The following PPP2R3B variants were observed in gnomAD, a reference collection of about 807,000 sequenced individuals.
The protein encoded by PPP2R3B is serine/threonine-protein phosphatase 2A regulatory subunit B'' subunit beta.
In PPP2R3B, 68 loss-of-function variants were observed where a neutral mutation model predicts 72.9. The observed-to-expected ratio is 0.93, with a 90% CI of 0.77 to 1.14. PPP2R3B has a LOEUF of 1.14. PPP2R3B is among the 50% of genes most tolerant of loss of function. The probability of loss-of-function intolerance (pLI) is 0.00; values close to 1 mark genes in which losing one functional copy is unlikely to be tolerated. For missense variants in PPP2R3B, 1,018 were observed against 842.0 expected (o/e 1.21, Z -2.59); for synonymous variants, 466 against 375.8 (o/e 1.24, Z -2.78).
At chrX:351,309 G>A (rs190586329) in intron 2 of PPP2R3B, among the ~76,000 whole-genome samples, 128 of 152,290 alleles carry the variant, frequency 8.4e-4, no homozygotes, top group African/African-American at 3.1e-3. Context: ...GACCTCATGA[G>A]ACCATTCTGG....
intron 7 of PPP2R3B, chrX:345,137 C>T (rs1326401150): frequency 3.0e-5 from 15 of 505,008 alleles, no homozygotes; most frequent in East Asian, 1.6e-4. Context: ...ATGGAAACTG[C>T]TCCAGGCCTT....
At position 341,917 on chromosome X, in the gene PPP2R3B, T is replaced by A. The variant is rs2071087916; in HGVS notation, c.1051A>T (p.Met351Leu). 2 of 1,612,692 alleles carry A rather than the reference T, an allele frequency of 1.2e-6. No individual in the cohort carries two copies. The highest frequency in any genetic ancestry group is 1.7e-5 in the Admixed American group (1 of 60,024). The change falls in exon 8 of 13, where the codon ATG (methionine) becomes TTG (leucine). Residue 351 changes from methionine (M) to leucine (L), a missense_variant. Coordinates refer to ENST00000390665, the MANE Select transcript of PPP2R3B (RefSeq NM_013239.5). ...RHNDHALSTK[M>L]IDRIFSGAVT... The stretch of plus-strand genomic sequence containing the variant: ...GCTCCTGAGAAGATCCTGTCTATCA[T>A]CTTGGTAGAAAGGGCTGGAAAGGAA...
chrX:368,300 G>A (rs1387812691), intron 1 of PPP2R3B, among the ~76,000 whole-genome samples: 12 of 115,122 alleles, frequency 1.0e-4, no homozygotes, highest in South Asian at 3.0e-4. Flanking sequence ...GGGCACCGAC[G>A]GGGGGAAGGC....
chrX:343,910 A>G (rs865860369), intron 7 of PPP2R3B, among the ~76,000 whole-genome samples: 300 of 3,970 alleles, frequency 0.076, 19 homozygotes, highest in Admixed American at 0.091. Flanking sequence ...CTCACCAAGG[A>G]GAGGCGGGAG....
At chrX:364,649 C>T (rs1190231909) in intron 1 of PPP2R3B, among the ~76,000 whole-genome samples, 30 of 137,270 alleles carry the variant, frequency 2.2e-4, no homozygotes, top group Non-Finnish European at 2.8e-4. Context: ...ACACAGGAGG[C>T]GGAGGTTGCA....
intron 9 of PPP2R3B, 108 bp from the exon 10 acceptor site, chrX:341,048 T>TGCAGCCCCTGGG: frequency 7.0e-7 from 1 of 1,438,798 alleles, no homozygotes; most frequent in Non-Finnish European, 9.3e-7. Context: ...CGCTGTGCCT[T>TGCAGCCCCTGGG]GCAGCCCCCA....
chrX:347,915 T>G, intron 2 of PPP2R3B: 2 of 535,088 alleles, frequency 3.7e-6, no homozygotes, highest in Non-Finnish European at 6.5e-6. Flanking sequence ...GCACGCAGTA[T>G]CCCCTGACCA....
At chrX:371,486 G>A (rs764567879) in intron 1 of PPP2R3B, among the ~76,000 whole-genome samples, 4 of 152,204 alleles carry the variant, frequency 2.6e-5, no homozygotes, top group South Asian at 2.1e-4. Flanking sequence ...GGCAGCACCC[G>A]CCAGGGGGTT....
Position 345,593 on chromosome X carries a change from T to C in PPP2R3B, c.959A>G (p.Tyr320Cys), listed in dbSNP as rs1039603391. 4.3e-6 allele frequency: 7 copies of C among 1,613,046 alleles called. No homozygotes were observed. Among genetic ancestry groups the C allele is most frequent in the Non-Finnish European group, 5.9e-6 (7 of 1,179,538 alleles). ...FFSYEHFYVI[Y>C]CKFWELDTDH... is the part of the protein sequence containing the mutation. The stretch of plus-strand genomic sequence containing the variant: ...CGTGTCCAGCTCCCAGAACTTGCAG[T>C]AGATGACGTAGAAATGCTCGTACGA... The change falls in exon 7 of 13, where the codon TAC becomes TGC. Residue 320 changes from tyrosine to cysteine, a missense_variant. By Grantham distance (194) the Tyr-to-Cys change is radical. Coordinates refer to ENST00000390665, the MANE Select transcript of PPP2R3B (RefSeq NM_013239.5).
At chrX:371,370 G>A (rs1039400122) in intron 1 of PPP2R3B, among the ~76,000 whole-genome samples, 4 of 152,178 alleles carry the variant, frequency 2.6e-5, no homozygotes, top group African/African-American at 9.7e-5. Flanking sequence ...AAGGCCGGCG[G>A]TCGCTGAACG....
In PPP2R3B at chrX:386,631, A is replaced by G; in HGVS notation, c.61T>C (p.Tyr21His). ...LKMKVDELFL[Y>H]WLSEASTQRM... ...TGCGTGCTGGCCTCGCTGAGCCAGT[A>G]CAGGAACAGCTCGTCCACCTTCATC... Residue 21 changes from tyrosine to histidine, a missense_variant, in exon 1 of 13, where the codon TAC becomes CAC. By Grantham distance (83) the Tyr-to-His change is moderately conservative. Coordinates refer to ENST00000390665, the MANE Select transcript of PPP2R3B (RefSeq NM_013239.5). 2 of 1,438,794 alleles carry G rather than the reference A, an allele frequency of 1.4e-6. No homozygotes were observed. Among genetic ancestry groups the G allele is most frequent in the East Asian group, 3.0e-5 (1 of 33,678 alleles). 89.1% of individuals were successfully genotyped at this position (1,438,794 alleles called of 1,614,324 possible). A position where few individuals can be genotyped will look rare whatever the true frequency, so the allele number is the denominator to read the frequency against.
intron 1 of PPP2R3B, among the ~76,000 whole-genome samples, chrX:363,895 C>G (rs1344311757): frequency 1.3e-5 from 2 of 152,258 alleles, no homozygotes; most frequent in Non-Finnish European, 2.9e-5. Context: ...GGCAATATAG[C>G]AATGACCTGG....
At chrX:366,888 T>A in intron 1 of PPP2R3B, among the ~76,000 whole-genome samples, 1 of 150,076 alleles carries the variant, frequency 6.7e-6, no homozygotes, top group South Asian at 2.1e-4. Context: ...ATTAACCAGG[T>A]GTGGTGGCGC....
chrX:347,096 G>A (rs2071235138), intron 4 of PPP2R3B, 138 bp downstream of exon 4: 11 of 1,060,840 alleles, frequency 1.0e-5, no homozygotes, highest in Non-Finnish European at 1.1e-5. Flanking sequence ...CCTCCCATGA[G>A]GTGTGCGGTG....
Position 370,777 on chromosome X carries a change from G to A in PPP2R3B, c.325-9187C>T, listed in dbSNP as rs779617890. On this transcript the variant is annotated intron_variant, in intron 1 of 12. Transcript: ENST00000390665. Reference sequence around the variant, plus strand: ...ACTGGCCTTGGGAGGGGAACGGCACGTGCCCTGGCGGTGAGAGCAGGAGGT... The same window carrying A: ...ACTGGCCTTGGGAGGGGAACGGCACATGCCCTGGCGGTGAGAGCAGGAGGT... Among the ~76,000 whole-genome samples, 8 of 152,326 alleles carry A rather than the reference G, an allele frequency of 5.3e-5. No individual in the cohort carries two copies. The East Asian group carries it at 7.8e-4, about 15-fold the overall frequency.
Position 338,632 on chromosome X carries a change from C to T in PPP2R3B, c.1549G>A (p.Glu517Lys). The change falls in exon 12 of 13, where the codon GAG becomes AAG. Residue 517 changes from glutamate to lysine, a missense_variant. By Grantham distance (56) the Glu-to-Lys change is moderately conservative. Transcript: ENST00000390665. ...AEEYDILVAEETAGEPWEDGF... is the reference protein window; with the variant it reads ...AEEYDILVAEKTAGEPWEDGF... ...TCCTCCCAGGGCTCTCCCGCAGTCTCCTCGGCCACCAGGATGTCGTACTCC... is the reference window on the plus strand; with the variant it reads ...TCCTCCCAGGGCTCTCCCGCAGTCTTCTCGGCCACCAGGATGTCGTACTCC... 3 of 1,610,956 alleles carry T rather than the reference C, an allele frequency of 1.9e-6. No individual in the cohort carries two copies. The highest frequency in any genetic ancestry group is 2.5e-6 in the Non-Finnish European group (3 of 1,179,596).
intron 5 of PPP2R3B, 139 bp from the exon 6 acceptor site, chrX:346,399 G>A (rs981246518): frequency 4.8e-6 from 4 of 836,948 alleles, no homozygotes; most frequent in Non-Finnish European, 7.3e-6. Flanking sequence ...GGGGCAGAGG[G>A]AAGGGCCCTG....
At position 364,520 on chromosome X, in the gene PPP2R3B, AC is replaced by A. The variant is rs1462784357; in HGVS notation, c.325-2931del. ...TTCATCTCTACTAAAAAAAAAAAAA[AC>A]AAAAAAAAAAAAACAGAAAACAAAA... On this transcript the variant is annotated intron_variant, in intron 1 of 12. Coordinates refer to ENST00000390665, the MANE Select transcript of PPP2R3B (RefSeq NM_013239.5). Among the ~76,000 whole-genome samples, 98 of 99,628 alleles carry A rather than the reference AC, an allele frequency of 9.8e-4. 1 individual carries two copies. In the East Asian group the frequency reaches 0.018, roughly 19 times the overall value. 65.4% of individuals were successfully genotyped at this position (99,628 alleles called of 152,430 possible). A position where few individuals can be genotyped will look rare whatever the true frequency, so the allele number is the denominator to read the frequency against.
chrX:354,974 C>T lies in PPP2R3B; in HGVS notation c.510+6431G>A, dbSNP rs1396166031. 4.6e-5 allele frequency among the ~76,000 whole-genome samples: 7 copies of T among 152,338 alleles called. No individual in the cohort carries two copies. In the South Asian group the frequency reaches 1.0e-3, roughly 23 times the overall value. ...GACTTGAGCCCGAGGCGGGAAGGGGCGTGCTCTCCACGGCTCTCCAGCACT... is the reference window on the plus strand; with the variant it reads ...GACTTGAGCCCGAGGCGGGAAGGGGTGTGCTCTCCACGGCTCTCCAGCACT... On this transcript the variant is annotated intron_variant, in intron 2 of 12. Transcript: ENST00000390665.
Sources: allele counts gnomAD v4.1 joint callset (sites outside exome capture counted in the v4.1 genomes callset), GRCh38; gene constraint gnomAD v4.1.1; transcripts MANE v1.5; gene names NCBI Gene and HGNC (gene_info 2026-07-23, HGNC 2026-07-21).